CLASP2: variants seen among roughly 807,000 people sequenced by gnomAD.
CLASP2 encodes the protein CLIP-associating protein 2.
In CLASP2, 47 loss-of-function variants were observed where a neutral mutation model predicts 194.4. That is an observed-to-expected ratio of 0.24 (90% CI 0.19 to 0.31). The LOEUF (loss-of-function observed/expected upper bound fraction) is 0.31. Among genes scored for constraint, CLASP2 ranks in the 10% least tolerant of loss-of-function variants. The probability of loss-of-function intolerance (pLI) is 1.00; values close to 1 mark genes in which losing one functional copy is unlikely to be tolerated. For synonymous variants in CLASP2, 619 were observed against 633.5 expected, an observed-to-expected ratio of 0.98 and a Z score of 0.34; for missense variants, 1,445 against 1,823.6, an observed-to-expected ratio of 0.79 and a Z score of 3.78.
intron 10 of CLASP2, among the ~76,000 whole-genome samples, chr3:33,625,649 G>A: frequency 6.6e-6 from 1 of 150,858 alleles, no homozygotes; most frequent in Non-Finnish European, 1.5e-5. Context: ...ACACAGAAAA[G>A]GATATACTCT....
chr3:33,601,761 T>C (rs1431059683), intron 18 of CLASP2, among the ~76,000 whole-genome samples: 1 of 152,220 alleles, frequency 6.6e-6, no homozygotes, highest in African/African-American at 2.4e-5. Context: ...TACCAGATTG[T>C]AAACCATGTG....
Position 33,516,155 on chromosome 3 carries a change from A to G in CLASP2, c.3982-4T>C. On this transcript the variant is annotated splice_polypyrimidine_tract_variant and splice_region_variant and intron_variant, in intron 35 of 38. Transcript: ENST00000682230. ...ATGCCAAAGCCCTGATTGTAGGCTA[A>G]GAAGAAACATTTAAATGTTTTTAAT... 5.0e-6 allele frequency: 8 copies of G among 1,591,030 alleles called. No individual in the cohort carries two copies. Among genetic ancestry groups the G allele is most frequent in the Non-Finnish European group, 6.0e-6 (7 of 1,172,248 alleles).
intron 2 of CLASP2, among the ~76,000 whole-genome samples, chr3:33,690,208 G>A (rs1322984152): frequency 2.0e-5 from 3 of 152,098 alleles, no homozygotes; most frequent in African/African-American, 4.8e-5. Flanking sequence ...GGGACAAGGA[G>A]GAAGTAGAAT....
chr3:33,542,617 CATGTT>C (rs955521160), intron 32 of CLASP2, among the ~76,000 whole-genome samples: 7 of 149,668 alleles, frequency 4.7e-5, no homozygotes, highest in Admixed American at 3.3e-4. Flanking sequence ...TGATATATGA[CATGTT>C]ATATATGTAA....
At chr3:33,593,711 C>T (rs1028902982) in intron 20 of CLASP2, among the ~76,000 whole-genome samples, 6 of 152,064 alleles carry the variant, frequency 3.9e-5, no homozygotes, top group South Asian at 4.2e-4. Context: ...AAAAGTAAAA[C>T]AAAATGACCA....
chr3:33,576,601 T>C (rs980060745), intron 23 of CLASP2, among the ~76,000 whole-genome samples: 16 of 152,210 alleles, frequency 1.1e-4, no homozygotes, highest in African/African-American at 3.6e-4. Flanking sequence ...GCAAATATCA[T>C]CCATACGGCT....
intron 18 of CLASP2, among the ~76,000 whole-genome samples, chr3:33,601,397 T>C (rs2072165801): frequency 6.6e-6 from 1 of 152,242 alleles, no homozygotes; most frequent in Non-Finnish European, 1.5e-5. Context: ...GTTGGCCATT[T>C]TGACATATGC....
intron 1 of CLASP2, among the ~76,000 whole-genome samples, chr3:33,712,420 G>C (rs1163800521): frequency 1.3e-5 from 2 of 151,988 alleles, no homozygotes; most frequent in Non-Finnish European, 2.9e-5. Context: ...TTGGATGACA[G>C]GTGCACTAAA....
chr3:33,715,005 G>A (rs947110139), intron 1 of CLASP2, among the ~76,000 whole-genome samples: 6 of 152,156 alleles, frequency 3.9e-5, no homozygotes, highest in African/African-American at 1.4e-4. Flanking sequence ...CTTTACAGCT[G>A]CTTCCTCAAC....
At chr3:33,507,580 C>G (rs1036672293) in intron 37 of CLASP2, among the ~76,000 whole-genome samples, 1 of 152,106 alleles carries the variant, frequency 6.6e-6, no homozygotes, top group Non-Finnish European at 1.5e-5. Context: ...CTCCTGAGCT[C>G]AAGTGATCCT....
In CLASP2 at chr3:33,517,234, G is replaced by C. The variant is rs115622470; in HGVS notation, c.3788-60C>G. 9.3e-3 allele frequency: 12,093 copies of C among 1,297,958 alleles called. 86 individuals carry two copies. Among genetic ancestry groups the C allele is most frequent in the Middle Eastern group, 0.036 (189 of 5,252 alleles). 80.4% of individuals were successfully genotyped at this position (1,297,958 alleles called of 1,614,324 possible). On this transcript the variant is annotated intron_variant, in intron 34 of 38. Transcript: ENST00000682230. ...TATAGGGTGACTCTCACAAGTATGGGGATAACAACTTTATATGATGAAACA... is the reference window on the plus strand; with the variant it reads ...TATAGGGTGACTCTCACAAGTATGGCGATAACAACTTTATATGATGAAACA...
chr3:33,644,463 T>TAA, intron 8 of CLASP2: 1 of 357,504 alleles, frequency 2.8e-6, no homozygotes, highest in Non-Finnish European at 5.2e-6. Flanking sequence ...GTTCTCTGCT[T>TAA]AAAAAAAACA....
chr3:33,523,640 T>G (rs563259177), intron 34 of CLASP2, among the ~76,000 whole-genome samples: 1 of 152,274 alleles, frequency 6.6e-6, no homozygotes, highest in South Asian at 2.1e-4. Flanking sequence ...GAAATACAGA[T>G]CTCAATAAAC....
At chr3:33,517,653 TC>T (rs2051715195) in intron 34 of CLASP2, among the ~76,000 whole-genome samples, 1 of 152,192 alleles carries the variant, frequency 6.6e-6, no homozygotes, top group Non-Finnish European at 1.5e-5. Flanking sequence ...TGTAAACTTC[TC>T]CATAAATCAT....
chr3:33,577,179 G>C (rs1428951625), intron 23 of CLASP2: 2 of 1,555,536 alleles, frequency 1.3e-6, no homozygotes, highest in Non-Finnish European at 1.7e-6. Flanking sequence ...CCAGATGATA[G>C]TGAAAATGTA....
chr3:33,535,754 A>T (rs909793181), intron 33 of CLASP2, among the ~76,000 whole-genome samples: 2 of 152,198 alleles, frequency 1.3e-5, no homozygotes, highest in Non-Finnish European at 1.5e-5. Context: ...CAATATGTAC[A>T]GTGTGATTAC....
chr3:33,575,943 AT>A (rs2064787840), intron 24 of CLASP2, among the ~76,000 whole-genome samples: 1 of 152,176 alleles, frequency 6.6e-6, no homozygotes, highest in Admixed American at 6.5e-5. Flanking sequence ...AGACATCTAT[AT>A]TTATATTTCT....
intron 21 of CLASP2, among the ~76,000 whole-genome samples, chr3:33,586,971 C>T (rs1428596103): frequency 6.6e-6 from 1 of 152,040 alleles, no homozygotes; most frequent in East Asian, 1.9e-4. Flanking sequence ...GTTCTAGCCA[C>T]CTTTGTCTTG....
chr3:33,543,550 G>A lies in CLASP2; in HGVS notation c.3298-11C>T, dbSNP rs778791777. ...ACTCCCCATGGAACTCTGATGAAGG[G>A]AGTCAAAGAAATATTAACATATTAC... On this transcript the variant is annotated splice_polypyrimidine_tract_variant and intron_variant, in intron 31 of 38. Transcript: ENST00000682230. The A allele has an allele frequency of 6.5e-7, 1 of 1,527,746 alleles. No homozygotes were observed. Among genetic ancestry groups the A allele is most frequent in the Non-Finnish European group, 9.1e-7 (1 of 1,101,698 alleles). 94.6% of individuals were successfully genotyped at this position (1,527,746 alleles called of 1,614,324 possible).
Sources: allele counts gnomAD v4.1 joint callset (sites outside exome capture counted in the v4.1 genomes callset), GRCh38; gene constraint gnomAD v4.1.1; transcripts MANE v1.5; gene names NCBI Gene and HGNC (gene_info 2026-07-23, HGNC 2026-07-21).